Variants in NADK2 observed in about 807,000 individuals in gnomAD.
NADK2 encodes NAD kinase domain-containing protein 1, mitochondrial.
Under a neutral mutation model 62.1 loss-of-function variants are expected in NADK2, and 35 were observed. The ratio of observed to expected loss-of-function variants is 0.56; its 90% confidence interval spans 0.43 to 0.75. The LOEUF (loss-of-function observed/expected upper bound fraction) is 0.75. Ranked by LOEUF, NADK2 falls within the 30% of genes least tolerant of loss-of-function variation. The probability of loss-of-function intolerance (pLI) is 0.00; values close to 1 mark genes in which losing one functional copy is unlikely to be tolerated. For missense variants in NADK2, 439 were observed against 561.3 expected (o/e 0.78, Z 2.20); for synonymous variants, 205 against 207.9 (o/e 0.99, Z 0.12).
At chr5:36,214,935 T>G (rs1746986638) in intron 6 of NADK2, among the ~76,000 whole-genome samples, 1 of 152,198 alleles carries the variant, frequency 6.6e-6, no homozygotes. Context: ...ATAAAACCAG[T>G]CTTTATTTAT....
chr5:36,236,572 T>C (rs1023744503), intron 1 of NADK2, among the ~76,000 whole-genome samples: 1 of 152,094 alleles, frequency 6.6e-6, no homozygotes. Context: ...AATAAGGCCC[T>C]GGACTAGAAG....
At chr5:36,239,662 G>A (rs1388403394) in intron 1 of NADK2, among the ~76,000 whole-genome samples, 1 of 151,834 alleles carries the variant, frequency 6.6e-6, no homozygotes, top group Non-Finnish European at 1.5e-5. Flanking sequence ...TAGTTCAGAG[G>A]TCCAAGAGTT....
At chr5:36,208,689 T>A in intron 7 of NADK2, 5 of 1,530,082 alleles carry the variant, frequency 3.3e-6, no homozygotes, top group Non-Finnish European at 4.4e-6. Flanking sequence ...GAATAAGACA[T>A]TCTAGGTTAG....
intron 9 of NADK2, 103 bp from the exon 10 acceptor site, chr5:36,200,383 TTA>T (rs138446684): frequency 9.3e-4 from 461 of 495,536 alleles, no homozygotes; most frequent in African/African-American, 1.4e-3. Flanking sequence ...TGTATATGTG[TTA>T]TATATATATA....
In NADK2 at chr5:36,193,146, C is replaced by G. The variant is rs1042422471; in HGVS notation, c.*1998G>C. On this transcript the variant is annotated 3_prime_UTR_variant, in exon 12 of 12. Coordinates refer to ENST00000381937, the MANE Select transcript of NADK2 (RefSeq NM_001085411.3). ...CAGATCTATTTGGACAATCAGATTT[C>G]CTTGAGATTAAGGATGGAGTTGGCA... The G allele has an allele frequency of 9.2e-5, 14 of 152,074 alleles. 1 individual carries two copies. The highest frequency in any genetic ancestry group is 3.9e-4 in the Admixed American group (6 of 15,272). The allele number at this position is 152,074 out of a possible 1,614,324, so 9.4% of individuals were successfully genotyped here.
intron 7 of NADK2, among the ~76,000 whole-genome samples, chr5:36,207,614 G>A (rs1399830531): frequency 1.3e-5 from 2 of 151,984 alleles, no homozygotes; most frequent in Non-Finnish European, 2.9e-5. Flanking sequence ...TCCAAAAAAA[G>A]AAAATACTAT....
At chr5:36,235,920 T>C (rs1747891323) in intron 1 of NADK2, among the ~76,000 whole-genome samples, 1 of 150,752 alleles carries the variant, frequency 6.6e-6, no homozygotes, top group Non-Finnish European at 1.5e-5. Context: ...AAATAAATTT[T>C]CCTAAAGCGT....
chr5:36,203,037 G>A (rs79381239), intron 8 of NADK2, among the ~76,000 whole-genome samples: 1 of 148,662 alleles, frequency 6.7e-6, no homozygotes, highest in Non-Finnish European at 1.5e-5. Flanking sequence ...AATTAAAAGA[G>A]AGAAAAATAG....
intron 8 of NADK2, among the ~76,000 whole-genome samples, chr5:36,206,001 G>T (rs560647400): frequency 6.6e-6 from 1 of 152,212 alleles, no homozygotes; most frequent in East Asian, 1.9e-4. Flanking sequence ...TAGGGATATG[G>T]ATGAAGCTGG....
chr5:36,213,485 A>G (rs1300304880), intron 6 of NADK2, among the ~76,000 whole-genome samples: 1 of 151,534 alleles, frequency 6.6e-6, no homozygotes, highest in Non-Finnish European at 1.5e-5. Flanking sequence ...AAGGCAACCC[A>G]ATTATTCTTT....
At chr5:36,231,064 A>T (rs1403439739) in intron 1 of NADK2, among the ~76,000 whole-genome samples, 2 of 152,212 alleles carry the variant, frequency 1.3e-5, no homozygotes, top group Non-Finnish European at 2.9e-5. Context: ...AATATGGAAC[A>T]TGTACCCAGG....
chr5:36,219,143 A>G (rs1303285202), intron 5 of NADK2, among the ~76,000 whole-genome samples: 1 of 152,316 alleles, frequency 6.6e-6, no homozygotes, highest in South Asian at 2.1e-4. Flanking sequence ...CAGCTAATAC[A>G]TTACTTTTAA....
chr5:36,220,217 G>T (rs1747212602), intron 4 of NADK2, among the ~76,000 whole-genome samples: 1 of 152,074 alleles, frequency 6.6e-6, no homozygotes, highest in Non-Finnish European at 1.5e-5. Flanking sequence ...CACTAAAAAA[G>T]AACTGAGAAA....
chr5:36,240,738 T>A (rs1748077009), intron 1 of NADK2, among the ~76,000 whole-genome samples: 1 of 152,196 alleles, frequency 6.6e-6, no homozygotes, highest in Admixed American at 6.5e-5. Flanking sequence ...TATGGTATAT[T>A]GTGGAGATAC....
At chr5:36,227,925 A>G (rs1384533002) in intron 1 of NADK2, among the ~76,000 whole-genome samples, 1 of 150,024 alleles carries the variant, frequency 6.7e-6, no homozygotes, top group African/African-American at 2.5e-5. Context: ...GCTCACTGCA[A>G]GCTCCGCCTC....
chr5:36,207,864 T>C (rs1746697777), intron 7 of NADK2, among the ~76,000 whole-genome samples: 1 of 152,084 alleles, frequency 6.6e-6, no homozygotes, highest in African/African-American at 2.4e-5. Context: ...TTTCTTGGGA[T>C]TTACATTTCT....
chr5:36,219,971 C>T (rs1176735108), intron 4 of NADK2, among the ~76,000 whole-genome samples: 1 of 152,120 alleles, frequency 6.6e-6, no homozygotes, highest in East Asian at 1.9e-4. Flanking sequence ...ACTAATTACC[C>T]TGTAAAGTTA....
chr5:36,207,360 G>GCTTACC, intron 7 of NADK2, 95 bp from the exon 8 acceptor site: 1 of 846,672 alleles, frequency 1.2e-6, no homozygotes, highest in Non-Finnish European at 1.9e-6. Flanking sequence ...AAGTAAGTCA[G>GCTTACC]CTTACCCAAG....
At chr5:36,211,596 G>C (rs1746846574) in intron 7 of NADK2, among the ~76,000 whole-genome samples, 1 of 151,626 alleles carries the variant, frequency 6.6e-6, no homozygotes, top group African/African-American at 2.4e-5. Flanking sequence ...ACAGATTAAA[G>C]GCTCTGGGAC....
Sources: allele counts gnomAD v4.1 joint callset (sites outside exome capture counted in the v4.1 genomes callset), GRCh38; gene constraint gnomAD v4.1.1; transcripts MANE v1.5; gene names NCBI Gene and HGNC (gene_info 2026-07-23, HGNC 2026-07-21).